The following CHD2 variants were observed in gnomAD, a reference collection of about 807,000 sequenced individuals.
The protein encoded by CHD2 is chromodomain helicase DNA binding protein 2.
In CHD2, 28 loss-of-function variants were observed where a neutral mutation model predicts 243.9. That is an observed-to-expected ratio of 0.11 (90% CI 0.09 to 0.16). CHD2 has a LOEUF of 0.16. CHD2 is among the 10% of genes least tolerant of loss of function. CHD2 has a pLI of 1.00. For missense variants in CHD2, 1,386 were observed against 2,209.8 expected (o/e 0.63, Z 7.47); for synonymous variants, 775 against 779.0 (o/e 0.99, Z 0.09).
At chr15:92,940,551 C>T (rs1386064825) in intron 7 of CHD2, among the ~76,000 whole-genome samples, 1 of 151,078 alleles carries the variant, frequency 6.6e-6, no homozygotes, top group Non-Finnish European at 1.5e-5. Flanking sequence ...CAGATTTGTT[C>T]TTCATAGAGA....
chr15:92,920,592 C>CT lies in CHD2; in HGVS notation c.63-3725dup, dbSNP rs145949272. On this transcript the variant is annotated intron_variant, in intron 2 of 38. Transcript: ENST00000394196. ...GTTATCTTCAGTAAACTAATGCTGCCTTTTGTGGGTCTCTAGTTGGTAAAG... is the reference window on the plus strand; with the variant it reads ...GTTATCTTCAGTAAACTAATGCTGCCTTTTTGTGGGTCTCTAGTTGGTAAAG... 7.5e-3 allele frequency among the ~76,000 whole-genome samples: 1,147 copies of CT among 152,218 alleles called. 16 individuals are homozygous for CT. Among genetic ancestry groups the CT allele is most frequent in the African/African-American group, 0.027 (1,106 of 41,516 alleles).
Position 92,997,469 on chromosome 15 carries a change from C to T in CHD2, c.3885+66C>T, listed in dbSNP as rs2054201930. ...TTGTGTAATATTTTTATATCGATTA[C>T]TTATTTCTAACTATTTTCGAGGGGG... On this transcript the variant is annotated intron_variant, in intron 30 of 38. Coordinates refer to ENST00000394196, the MANE Select transcript of CHD2 (RefSeq NM_001271.4). The surrounding 1 kb of genome is among the most constrained non-coding windows in gnomAD (Gnocchi z 4.1). 2 of 1,397,060 alleles carry T rather than the reference C, an allele frequency of 1.4e-6. No homozygotes were observed. Among genetic ancestry groups the T allele is most frequent in the African/African-American group, 1.5e-5 (1 of 67,928 alleles). 86.5% of individuals were successfully genotyped at this position (1,397,060 alleles called of 1,614,324 possible).
rs1408367558 is a variant in CHD2 at position 92,997,136 on chromosome 15, A to G, written c.3734+41A>G. 1.2e-6 allele frequency: 2 copies of G among 1,604,072 alleles called. No homozygotes were observed. The highest frequency in any genetic ancestry group is 1.7e-6 in the Non-Finnish European group (2 of 1,176,678). ...GTACATGCTTAGATGGTCGTACCGT[A>G]AGAAAATAGATTTGAAGTTAGACTT... On this transcript the variant is annotated intron_variant, in intron 29 of 38. Coordinates refer to ENST00000394196, the MANE Select transcript of CHD2 (RefSeq NM_001271.4). This position sits in a 1 kb window ranked among gnomAD's most constrained non-coding sequence, Gnocchi z 4.1.
chr15:92,904,411 G>A (rs1449291045), intron 2 of CHD2: 2 of 979,194 alleles, frequency 2.0e-6, no homozygotes, highest in Admixed American at 6.1e-5. Flanking sequence ...TGGGGGGCGG[G>A]GAGAGAACGC....
At chr15:92,961,543 A>C (rs2053687435) in intron 16 of CHD2, among the ~76,000 whole-genome samples, 1 of 151,858 alleles carries the variant, frequency 6.6e-6, no homozygotes, top group Non-Finnish European at 1.5e-5. Flanking sequence ...GGGGCTGCAG[A>C]TGTGCACCAC....
chr15:92,937,427 T>C, intron 5 of CHD2, 91 bp from the exon 6 acceptor site: 3 of 868,480 alleles, frequency 3.5e-6, no homozygotes, highest in South Asian at 1.7e-5. Flanking sequence ...TTCTGCCCTT[T>C]GGATAGTAAA....
At chr15:93,023,064 C>T (rs1477169515) in intron 38 of CHD2, among the ~76,000 whole-genome samples, 3 of 152,202 alleles carry the variant, frequency 2.0e-5, no homozygotes, top group South Asian at 2.1e-4. Flanking sequence ...TATTTTAAAG[C>T]GAACAACTGA....
At chr15:93,019,026 T>G (rs2054497317) in intron 37 of CHD2, among the ~76,000 whole-genome samples, 1 of 152,240 alleles carries the variant, frequency 6.6e-6, no homozygotes. Context: ...AGTATGATTC[T>G]TTTCCTTAGG....
chr15:92,987,142 C>T (rs1219424460), intron 26 of CHD2, among the ~76,000 whole-genome samples: 2 of 152,066 alleles, frequency 1.3e-5, no homozygotes, highest in Non-Finnish European at 2.9e-5. Flanking sequence ...TTTTTGGACT[C>T]TTATTAATTG....
chr15:92,962,690 A>G (rs1268234297), intron 16 of CHD2, among the ~76,000 whole-genome samples: 1 of 152,124 alleles, frequency 6.6e-6, no homozygotes, highest in Admixed American at 6.5e-5. Context: ...AGACTTTTAT[A>G]TCTTTTCTAA....
chr15:92,991,557 G>T, intron 27 of CHD2, 40 bp downstream of exon 27: 4 of 1,484,310 alleles, frequency 2.7e-6, no homozygotes, highest in East Asian at 2.4e-5. Context: ...CCTCTTTTTT[G>T]CTTTTATTAT....
rs2053779321 is a variant in CHD2 at position 92,967,338 on chromosome 15, G to A, written c.2014G>A (p.Glu672Lys). 6.2e-7 allele frequency: 1 copy of A among 1,607,748 alleles called. No homozygotes were observed. The highest frequency in any genetic ancestry group is 1.7e-5 in the Admixed American group (1 of 59,236). The change falls in exon 17 of 39, where the codon GAA (glutamate) becomes AAA (lysine). Residue 672 changes from glutamate to lysine, a missense_variant. Physicochemically the swap from Glu to Lys is moderately conservative, Grantham distance 56 (BLOSUM62 1). Transcript: ENST00000394196. ...TTTCTTCCCTAGGTTTGAATTTTGG[G>A]AAGATTTTGAAGAAGACCATGGGAA... The part of the protein sequence containing the change: ...FIMPEKFEFW[E>K]DFEEDHGKGR...
chr15:93,016,655 C>T (rs566851517), intron 37 of CHD2, among the ~76,000 whole-genome samples: 10 of 151,696 alleles, frequency 6.6e-5, no homozygotes, highest in Non-Finnish European at 1.2e-4. Context: ...GGCGTAGTGG[C>T]GTAGTAGTCC....
intron 2 of CHD2, among the ~76,000 whole-genome samples, chr15:92,907,537 C>T (rs112741764): frequency 7.2e-5 from 11 of 152,342 alleles, no homozygotes; most frequent in African/African-American, 2.4e-4. Context: ...ACTGTTACCT[C>T]TGTGCCTGGC....
chr15:92,940,853 T>C (rs2053356104), intron 7 of CHD2, among the ~76,000 whole-genome samples: 1 of 136,762 alleles, frequency 7.3e-6, no homozygotes, highest in African/African-American at 2.6e-5. Context: ...TATATATAAA[T>C]ATATAAATAT....
chr15:92,947,093 TAATGA>T (rs2053481924), intron 12 of CHD2: 1 of 152,232 alleles, frequency 6.6e-6, no homozygotes, highest in Non-Finnish European at 1.5e-5. Flanking sequence ...GGGTCCTCAG[TAATGA>T]AATATCAGAC....
intron 17 of CHD2, among the ~76,000 whole-genome samples, chr15:92,967,989 A>G (rs1174219431): frequency 2.6e-5 from 4 of 151,532 alleles, no homozygotes; most frequent in Non-Finnish European, 5.9e-5. Flanking sequence ...TTGTTTTGGG[A>G]TCGATGTAAG....
intron 37 of CHD2, among the ~76,000 whole-genome samples, chr15:93,017,173 C>G (rs915208076): frequency 6.6e-6 from 1 of 152,118 alleles, no homozygotes; most frequent in Non-Finnish European, 1.5e-5. Flanking sequence ...TGGGAAAGAC[C>G]CAGATCCTTA....
chr15:92,991,397 C>T, intron 26 of CHD2, 79 bp from the exon 27 acceptor site: 1 of 1,068,120 alleles, frequency 9.4e-7, no homozygotes, highest in Non-Finnish European at 1.4e-6. Flanking sequence ...GCTCATATGT[C>T]ATCACAGGAT....
Sources: gnomAD v4.1 joint callset for allele counts (sites outside exome capture counted in the v4.1 genomes callset) on GRCh38, gnomAD v4.1.1 for gene constraint, Gnocchi (gnomAD v3.1) non-coding constraint, MANE v1.5 for transcripts, NCBI Gene and HGNC (gene_info 2026-07-23, HGNC 2026-07-21) for gene names.